ERICH1: variants seen among roughly 807,000 people sequenced by gnomAD.
The protein encoded by ERICH1 is glutamate-rich protein 1.
A neutral mutation model predicts 39.6 loss-of-function variants in ERICH1; 56 were observed. The observed-to-expected ratio is 1.41, with a 90% CI of 1.14 to 1.77. The LOEUF (loss-of-function observed/expected upper bound fraction) is 1.77. Ranked by LOEUF, ERICH1 falls within the 40% of genes most tolerant of loss-of-function variation. The probability of loss-of-function intolerance (pLI) is 0.00; values close to 1 mark genes in which losing one functional copy is unlikely to be tolerated. For missense variants in ERICH1, 826 were observed against 575.4 expected (o/e 1.44, Z -4.45); for synonymous variants, 313 against 223.6 (o/e 1.40, Z -3.57).
intron 2 of ERICH1, among the ~76,000 whole-genome samples, chr8:707,896 T>C (rs1813680495): frequency 6.6e-6 from 1 of 152,204 alleles, no homozygotes; most frequent in Admixed American, 6.5e-5. Flanking sequence ...AAATCAGGTA[T>C]CTGATGAGGA....
chr8:674,256 C>A (rs1447364468), intron 3 of ERICH1, among the ~76,000 whole-genome samples: 2 of 146,058 alleles, frequency 1.4e-5, no homozygotes, highest in African/African-American at 5.0e-5. Flanking sequence ...ATGCGACAAT[C>A]ATAATATATG....
intron 3 of ERICH1, among the ~76,000 whole-genome samples, chr8:617,793 A>C (rs1669653): frequency 0.18 from 26,279 of 147,110 alleles, 2,466 homozygotes; most frequent in East Asian, 0.31. Context: ...GTCCATCCTC[A>C]CTGCCCTATG....
chr8:724,190 C>T (rs1032069932), intron 1 of ERICH1, among the ~76,000 whole-genome samples: 7 of 152,172 alleles, frequency 4.6e-5, no homozygotes, highest in African/African-American at 1.4e-4. Flanking sequence ...TCATTTTCTA[C>T]TGGAACTCTA....
intron 1 of ERICH1, among the ~76,000 whole-genome samples, chr8:726,193 CA>C (rs1194313505): frequency 6.6e-6 from 1 of 152,216 alleles, no homozygotes; most frequent in East Asian, 1.9e-4. Context: ...TCTGAGCCAG[CA>C]TCTTCAGCTC....
downstream of ERICH1, among the ~76,000 whole-genome samples, chr8:660,836 C>G (rs925581536): frequency 7.9e-5 from 12 of 152,040 alleles, no homozygotes; most frequent in African/African-American, 2.7e-4. Context: ...GTCTCGTTGC[C>G]GGCCATGAGC....
chr8:705,856 C>A (rs778852411), intron 2 of ERICH1, among the ~76,000 whole-genome samples: 2 of 152,204 alleles, frequency 1.3e-5, no homozygotes, highest in Non-Finnish European at 2.9e-5. Context: ...GCATGGGGGA[C>A]GGTGGAGCCT....
At chr8:727,910 A>T (rs1234823403) in intron 1 of ERICH1, among the ~76,000 whole-genome samples, 1 of 152,186 alleles carries the variant, frequency 6.6e-6, no homozygotes, top group African/African-American at 2.4e-5. Flanking sequence ...ACTCTGCTTA[A>T]ATCCAGGGGC....
rs572812366 is a variant in ERICH1 at position 619,620 on chromosome 8, C to T, written c.977-4336G>A. Among the ~76,000 whole-genome samples, 13 of 152,260 alleles carry T rather than the reference C, an allele frequency of 8.5e-5. No individual in the cohort carries two copies. The South Asian group carries it at 2.7e-3, about 32-fold the overall frequency. On this transcript the variant is annotated intron_variant, in intron 3 of 3. Coordinates refer to the ERICH1 transcript ENST00000522706. ...ATATAACAAACTTTATAAACATATACTTGCTCTCCTTTCTTCTCTCAACTT... is the reference window on the plus strand; with the variant it reads ...ATATAACAAACTTTATAAACATATATTTGCTCTCCTTTCTTCTCTCAACTT...
intron 3 of ERICH1, among the ~76,000 whole-genome samples, chr8:688,132 C>G (rs1173018190): frequency 1.3e-5 from 2 of 152,210 alleles, no homozygotes; most frequent in African/African-American, 4.8e-5. Flanking sequence ...GAGGGAGGGT[C>G]TGCAACCCAG....
chr8:726,541 CCACA>C lies in ERICH1; in HGVS notation c.22+4595_22+4598del, dbSNP rs144217695. 1.4e-3 allele frequency among the ~76,000 whole-genome samples: 215 copies of C among 151,630 alleles called. 4 individuals are homozygous for C. The East Asian group carries it at 0.04, about 28-fold the overall frequency. On this transcript the variant is annotated intron_variant, in intron 1 of 5. Coordinates refer to ENST00000262109, the MANE Select transcript of ERICH1 (RefSeq NM_207332.3). ...AGCCAGACACTCATGTACACACACA[CCACA>C]CACAGACACGTGTACACAGGCACAA...
chr8:722,379 C>G (rs1817531257), intron 1 of ERICH1, among the ~76,000 whole-genome samples: 1 of 152,044 alleles, frequency 6.6e-6, no homozygotes, highest in South Asian at 2.1e-4. Flanking sequence ...AGAAATGAGT[C>G]CCTTTCACAG....
intron 3 of ERICH1, among the ~76,000 whole-genome samples, chr8:632,084 G>A (rs1798075764): frequency 6.6e-6 from 1 of 152,170 alleles, no homozygotes; most frequent in African/African-American, 2.4e-5. Flanking sequence ...CTCTCCGACT[G>A]GCAGGGCTGC....
At chr8:683,945 T>C (rs62487400) in intron 3 of ERICH1, among the ~76,000 whole-genome samples, 2,749 of 152,372 alleles carry the variant, frequency 0.018, 31 homozygotes, top group Middle Eastern at 0.034. Flanking sequence ...TGTCCAAATT[T>C]TCTAGATTAG....
intron 2 of ERICH1, among the ~76,000 whole-genome samples, chr8:698,108 C>T (rs1356971921): frequency 6.6e-6 from 1 of 152,220 alleles, no homozygotes; most frequent in Admixed American, 6.5e-5. Flanking sequence ...TGCCCCCGTG[C>T]AGGGGTTGTG....
chr8:718,139 T>A (rs1323582400), intron 1 of ERICH1, among the ~76,000 whole-genome samples: 1 of 151,164 alleles, frequency 6.6e-6, no homozygotes, highest in African/African-American at 2.4e-5. Flanking sequence ...CACACCAGGG[T>A]ACAGATCGGA....
intron 2 of ERICH1, among the ~76,000 whole-genome samples, chr8:715,352 T>A (rs1464690198): frequency 1.3e-5 from 2 of 152,206 alleles, no homozygotes; most frequent in Non-Finnish European, 2.9e-5. Flanking sequence ...GGAGTTGCAC[T>A]GCAGGGACCA....
intron 1 of ERICH1, among the ~76,000 whole-genome samples, chr8:716,374 G>A (rs1816000915): frequency 6.6e-6 from 1 of 152,270 alleles, no homozygotes; most frequent in African/African-American, 2.4e-5. Flanking sequence ...GTCAGTGGGG[G>A]CTGTGGTCCT....
chr8:708,030 A>G (rs1364561684), intron 2 of ERICH1, among the ~76,000 whole-genome samples: 2 of 152,236 alleles, frequency 1.3e-5, no homozygotes, highest in African/African-American at 4.8e-5. Context: ...GACAACACGC[A>G]GGGAAAGATG....
intron 5 of ERICH1, chr8:666,906 G>A (rs1003781561): frequency 6.6e-6 from 1 of 152,420 alleles, no homozygotes; most frequent in Non-Finnish European, 1.5e-5. Flanking sequence ...CTGCACCTTG[G>A]TCCACGCTGC....
Sources: allele counts gnomAD v4.1 joint callset (sites outside exome capture counted in the v4.1 genomes callset), GRCh38; gene constraint gnomAD v4.1.1; transcripts MANE v1.5; gene names NCBI Gene and HGNC (gene_info 2026-07-23, HGNC 2026-07-21).